Variants in TBC1D9B observed in about 807,000 individuals in gnomAD.
TBC1D9B encodes the protein TBC1 domain family member 9B.
TBC1D9B carries 87 observed loss-of-function variants against 121.1 expected under a neutral mutation model. The observed-to-expected ratio is 0.72, with a 90% confidence interval of 0.60 to 0.86. The LOEUF (loss-of-function observed/expected upper bound fraction) is 0.86. Ranked by LOEUF, TBC1D9B falls within the 40% of genes least tolerant of loss-of-function variation. The pLI is 0.00. For missense variants in TBC1D9B, 1,540 were observed against 1,628.6 expected (o/e 0.95, Z 0.94); for synonymous variants, 668 against 670.1 (o/e 1.00, Z 0.05).
chr5:179,902,284 G>A lies in TBC1D9B; in HGVS notation c.229+2418C>T, dbSNP rs1761186314. ...AGGCACAGCAGCCAGGAGGGGTGTG[G>A]CTCCTCCAGGCCCTGCAGCTGTGTG... On this transcript the variant is annotated intron_variant, in intron 2 of 20. Coordinates refer to ENST00000355235, the MANE Select transcript of TBC1D9B (RefSeq NM_015043.4). This position sits in a 1 kb window ranked among gnomAD's most constrained non-coding sequence, Gnocchi z 4.9. 6.6e-6 allele frequency among the ~76,000 whole-genome samples: 1 copy of A among 152,230 alleles called. No homozygotes were observed. Among genetic ancestry groups the A allele is most frequent in the South Asian group, 2.1e-4 (1 of 4,838 alleles).
chr5:179,886,715 A>G (rs1030516331), intron 7 of TBC1D9B, among the ~76,000 whole-genome samples: 6 of 152,222 alleles, frequency 3.9e-5, no homozygotes, highest in Admixed American at 3.3e-4. Context: ...GCCCAATGGG[A>G]TGGGGCCTTT....
chr5:179,887,765 G>C, intron 7 of TBC1D9B: 1 of 336,816 alleles, frequency 3.0e-6, no homozygotes, highest in Admixed American at 5.1e-5. Context: ...GGCAGGGAAG[G>C]TCATGGGAAC....
intron 7 of TBC1D9B, among the ~76,000 whole-genome samples, chr5:179,881,395 G>T (rs913888936): frequency 1.3e-5 from 2 of 151,970 alleles, no homozygotes; most frequent in Admixed American, 6.6e-5. Flanking sequence ...CCTCCTGCCC[G>T]CCCACCTGCC....
At position 179,878,395 on chromosome 5, in the gene TBC1D9B, C is replaced by G; in HGVS notation, c.1696G>C (p.Ala566Pro). The G allele has an allele frequency of 6.2e-7, 1 of 1,613,888 alleles. No individual in the cohort carries two copies. Among genetic ancestry groups the G allele is most frequent in the Non-Finnish European group, 8.5e-7 (1 of 1,179,936 alleles). ...DLHRSMPEHP[A>P]FQNELGIAAL... ...GCAATCCCCAGCTCGTTCTGGAAGGCAGGGTGCTCGGGCATGGAGCGGTGC... is the reference window on the plus strand; with the variant it reads ...GCAATCCCCAGCTCGTTCTGGAAGGGAGGGTGCTCGGGCATGGAGCGGTGC... The change falls in exon 10 of 21, where the codon GCC becomes CCC. Residue 566 changes from alanine to proline, a missense_variant. Coordinates refer to ENST00000355235, the MANE Select transcript of TBC1D9B (RefSeq NM_015043.4).
At chr5:179,886,232 T>C (rs1425583385) in intron 7 of TBC1D9B, among the ~76,000 whole-genome samples, 1 of 152,232 alleles carries the variant, frequency 6.6e-6, no homozygotes, top group Non-Finnish European at 1.5e-5. Context: ...ATTTGCTTAC[T>C]GCCTCCCTCA....
chr5:179,906,452 G>A (rs1428044044), intron 1 of TBC1D9B, among the ~76,000 whole-genome samples: 1 of 152,212 alleles, frequency 6.6e-6, no homozygotes, highest in African/African-American at 2.4e-5. Flanking sequence ...TAAGCCTGCC[G>A]AGCACAGCAC....
At chr5:179,886,991 GT>G (rs1760705236) in intron 7 of TBC1D9B, among the ~76,000 whole-genome samples, 1 of 152,170 alleles carries the variant, frequency 6.6e-6, no homozygotes, top group Non-Finnish European at 1.5e-5. Context: ...AAATCCATAC[GT>G]TCATAATTAC....
Position 179,874,803 on chromosome 5 carries a change from TTGG to T in TBC1D9B, c.2186+96_2186+98del, listed in dbSNP as rs1371057214. On this transcript the variant is annotated intron_variant, in intron 12 of 20. Transcript: ENST00000355235. This position sits in a 1 kb window ranked among gnomAD's most constrained non-coding sequence, Gnocchi z 4.3. ...CCCGGGTCCAGCTGCAGCCTGGCAC[TTGG>T]TGGGCACAGTCACTTCAGGCTGACT... 1 of 1,515,092 alleles carries T rather than the reference TTGG, an allele frequency of 6.6e-7. No individual in the cohort carries two copies. Among genetic ancestry groups the T allele is most frequent in the East Asian group, 2.3e-5 (1 of 43,852 alleles). 93.9% of individuals were successfully genotyped at this position (1,515,092 alleles called of 1,614,324 possible).
chr5:179,863,671 A>G lies in TBC1D9B; in HGVS notation c.3479T>C (p.Val1160Ala), dbSNP rs1178661318. 7 of 1,613,498 alleles carry G rather than the reference A, an allele frequency of 4.3e-6. No individual in the cohort carries two copies. In the South Asian group the frequency reaches 4.4e-5, roughly 10 times the overall value. The change falls in exon 21 of 21, where the codon GTG becomes GCG. Residue 1160 changes from valine to alanine, a missense_variant. Val to Ala is a moderately conservative substitution (Grantham distance 64, BLOSUM62 0). Coordinates refer to ENST00000355235, the MANE Select transcript of TBC1D9B (RefSeq NM_015043.4). The surrounding 1 kb of genome is among the most constrained non-coding windows in gnomAD (Gnocchi z 4.5). ...CEDLADDTVL[V>A]GGEACSPTAR... ...TGTGGGGCTGCAGGCCTCCCCGCCCACCAGCACCGTGTCGTCTGCAAGGTC... is the reference window on the plus strand; with the variant it reads ...TGTGGGGCTGCAGGCCTCCCCGCCCGCCAGCACCGTGTCGTCTGCAAGGTC...
chr5:179,877,486 G>A (rs1220275073), intron 10 of TBC1D9B, among the ~76,000 whole-genome samples: 3 of 151,820 alleles, frequency 2.0e-5, no homozygotes, highest in Non-Finnish European at 2.9e-5. Flanking sequence ...AACATGGCGA[G>A]ACCCCGTCTC....
intron 17 of TBC1D9B, chr5:179,869,417 C>G: frequency 2.4e-6 from 1 of 419,742 alleles, no homozygotes; most frequent in South Asian, 1.9e-5. Context: ...GGAATAAACC[C>G]TTAAGAAACT....
In TBC1D9B at chr5:179,863,479, C is replaced by G; in HGVS notation, c.3671G>C (p.Ser1224Thr). 1 of 1,614,146 alleles carries G rather than the reference C, an allele frequency of 6.2e-7. No homozygotes were observed. Among genetic ancestry groups the G allele is most frequent in the African/African-American group, 1.3e-5 (1 of 75,060 alleles). The part of the protein sequence containing the change: ...KKVERQFSTA[S>T]DHEQPGVSG ...GGAAACTCCAGGCTGCTCATGGTCA[C>G]TGGCGGTGCTGAACTGTCTCTCCAC... Residue 1224 changes from serine (S) to threonine (T), a missense_variant, in exon 21 of 21, where the codon AGT becomes ACT. Coordinates refer to ENST00000355235, the MANE Select transcript of TBC1D9B (RefSeq NM_015043.4). The surrounding 1 kb of genome is among the most constrained non-coding windows in gnomAD (Gnocchi z 4.5).
intron 18 of TBC1D9B, chr5:179,866,229 AGTTCCTGCTAGAACTCTGGGGAAT>A (rs34581088): frequency 0.12 from 27,508 of 227,934 alleles, 1,949 homozygotes; most frequent in Middle Eastern, 0.2. Context: ...CGAATTCTAT[AGTTCCTGCTAGAACTCTGGGGAAT>A]GTTCCTGCTA....
Position 179,880,574 on chromosome 5 carries a change from C to T in TBC1D9B, c.1255-785G>A, listed in dbSNP as rs1760512282. On this transcript the variant is annotated intron_variant, in intron 7 of 20. Transcript: ENST00000355235. ...CAGGGTGCTGGGCGCCCTCCTAAAA[C>T]ACTTCACATTCTGTGTTTTTTTGAG... 2.0e-5 allele frequency among the ~76,000 whole-genome samples: 3 copies of T among 152,230 alleles called. No individual in the cohort carries two copies. In the South Asian group the frequency reaches 6.2e-4, roughly 32 times the overall value.
intron 7 of TBC1D9B, chr5:179,884,527 C>T (rs938325887): frequency 6.6e-6 from 1 of 152,158 alleles, no homozygotes; most frequent in Non-Finnish European, 1.5e-5. Flanking sequence ...CAGGGTATGT[C>T]CCCAAAAGAA....
chr5:179,890,764 T>C lies in TBC1D9B; in HGVS notation c.1044+615A>G, dbSNP rs1390308578. Among the ~76,000 whole-genome samples, 3 of 152,212 alleles carry C rather than the reference T, an allele frequency of 2.0e-5. No homozygotes were observed. The highest frequency in any genetic ancestry group is 7.2e-5 in the African/African-American group (3 of 41,446). On this transcript the variant is annotated intron_variant, in intron 6 of 20. Transcript: ENST00000355235. This position sits in a 1 kb window ranked among gnomAD's most constrained non-coding sequence, Gnocchi z 5.0. ...TGCCTTCTATTTGGGCAAGGGCCCT[T>C]GTCCTTGCTGTCCACACCCCTTCGG...
rs1014178291 is a variant in TBC1D9B, at chr5:179,907,650, C to G, written c.118+54G>C. Reference sequence around the variant, plus strand: ...CCCGCCCGCCGCCCGCCGCCAGCCCCGCCGCCAGCCCAGCCGCGGCGCCCA... The same window carrying G: ...CCCGCCCGCCGCCCGCCGCCAGCCCGGCCGCCAGCCCAGCCGCGGCGCCCA... On this transcript the variant is annotated intron_variant, in intron 1 of 20. Coordinates refer to ENST00000355235, the MANE Select transcript of TBC1D9B (RefSeq NM_015043.4). The surrounding 1 kb of genome is among the most constrained non-coding windows in gnomAD (Gnocchi z 5.3). 2.1e-6 allele frequency: 2 copies of G among 932,276 alleles called. No individual in the cohort carries two copies. The highest frequency in any genetic ancestry group is 2.6e-6 in the Non-Finnish European group (2 of 783,908). 57.8% of individuals were successfully genotyped at this position (932,276 alleles called of 1,614,324 possible).
At position 179,885,648 on chromosome 5, in the gene TBC1D9B, A is replaced by C. The variant is rs1163188614; in HGVS notation, c.1254+2455T>G. Among the ~76,000 whole-genome samples, 1 of 152,264 alleles carries C rather than the reference A, an allele frequency of 6.6e-6. No individual in the cohort carries two copies. Among genetic ancestry groups the C allele is most frequent in the East Asian group, 1.9e-4 (1 of 5,188 alleles). The stretch of plus-strand genomic sequence containing the variant: ...TTTTTCTTTTCATACGAAGTCTCCA[A>C]AACCCGTGTACAGTGATCTGAACAC... On this transcript the variant is annotated intron_variant, in intron 7 of 20. Coordinates refer to ENST00000355235, the MANE Select transcript of TBC1D9B (RefSeq NM_015043.4). This position sits in a 1 kb window ranked among gnomAD's most constrained non-coding sequence, Gnocchi z 4.5.
rs183886006 is a variant in TBC1D9B at position 179,864,764 on chromosome 5, G to A, written c.3021+490C>T. Among the ~76,000 whole-genome samples, 452 of 152,346 alleles carry A rather than the reference G, an allele frequency of 3.0e-3. 1 individual carries two copies. The highest frequency in any genetic ancestry group is 7.3e-3 in the African/African-American group (303 of 41,584). ...CACAGCTAGACCGTGGGTCTGGCCC[G>A]AGGGCCATGGTCAGGCTGGTGCTCC... is the stretch of plus-strand genomic sequence containing the variant. On this transcript the variant is annotated intron_variant, in intron 20 of 20. Transcript: ENST00000355235.
Sources: gnomAD v4.1 joint callset for allele counts (sites outside exome capture counted in the v4.1 genomes callset) on GRCh38, gnomAD v4.1.1 for gene constraint, Gnocchi (gnomAD v3.1) non-coding constraint, MANE v1.5 for transcripts, NCBI Gene and HGNC (gene_info 2026-07-23, HGNC 2026-07-21) for gene names.